HFM1: variants seen among roughly 807,000 people sequenced by gnomAD.
HFM1 encodes the protein helicase for meiosis 1.
A neutral mutation model predicts 192.1 loss-of-function variants in HFM1; 169 were observed. The ratio of observed to expected loss-of-function variants is 0.88; its 90% CI spans 0.78 to 1.00. The LOEUF (loss-of-function observed/expected upper bound fraction) is 1.00, where lower values mean the gene tolerates loss of function less well. Among genes scored for constraint, HFM1 ranks in the 50% least tolerant of loss-of-function variants. The pLI is 0.00. For synonymous variants in HFM1, 525 were observed against 537.8 expected (o/e 0.98, Z 0.33); for missense variants, 1,661 against 1,668.0 (o/e 1.00, Z 0.07).
intron 17 of HFM1, 67 bp downstream of exon 17, chr1:91,351,482 A>G (rs1557895215): frequency 3.5e-6 from 3 of 848,416 alleles, no homozygotes; most frequent in Non-Finnish European, 5.6e-6. Flanking sequence ...TCCCTTTGAT[A>G]TTTTAAAAGG....
intron 3 of HFM1, among the ~76,000 whole-genome samples, chr1:91,394,745 G>C (rs1203574490): frequency 2.0e-5 from 3 of 151,996 alleles, no homozygotes; most frequent in Non-Finnish European, 4.4e-5. Context: ...TTATATAAAT[G>C]ATTTACACAC....
At chr1:91,323,542 T>C (rs1278726767) in intron 21 of HFM1, among the ~76,000 whole-genome samples, 1 of 152,188 alleles carries the variant, frequency 6.6e-6, no homozygotes, top group African/African-American at 2.4e-5. Context: ...TTGTTACTCC[T>C]ACTCCTAATA....
chr1:91,388,130 T>C (rs1251005237), intron 4 of HFM1, among the ~76,000 whole-genome samples: 3 of 152,074 alleles, frequency 2.0e-5, no homozygotes, highest in Non-Finnish European at 4.4e-5. Flanking sequence ...TCTCTTTCAT[T>C]TGGAGTTGTA....
chr1:91,368,514 G>C (rs1659705037), intron 13 of HFM1, among the ~76,000 whole-genome samples: 1 of 152,114 alleles, frequency 6.6e-6, no homozygotes, highest in Non-Finnish European at 1.5e-5. Context: ...ATAAGTGAAG[G>C]AGAAATAAAA....
intron 30 of HFM1, among the ~76,000 whole-genome samples, chr1:91,300,953 G>A (rs777304675): frequency 6.6e-6 from 1 of 152,204 alleles, no homozygotes; most frequent in African/African-American, 2.4e-5. Context: ...GGCAGGAGAA[G>A]GAAATAAAGA....
intron 26 of HFM1, 87 bp from the exon 27 acceptor site, chr1:91,316,271 T>C (rs1047110367): frequency 2.0e-6 from 2 of 1,009,488 alleles, no homozygotes; most frequent in East Asian, 2.5e-5. Context: ...GCTTTAATAA[T>C]GCTTATCACC....
chr1:91,343,477 G>T lies in HFM1; in HGVS notation c.2288C>A (p.Ser763Tyr). The change falls in exon 20 of 39, where the codon TCC becomes TAC. Residue 763 changes from serine (S) to tyrosine (Y), a missense_variant. Physicochemically the swap from Ser to Tyr is moderately radical, Grantham distance 144. Coordinates refer to ENST00000370425, the MANE Select transcript of HFM1 (RefSeq NM_001017975.6). ...LCLKNLNDLS[S>Y]LDLIKMDEGV... ...TTCATCCATCTTTATTAAGTCCAGG[G>T]ATGATAAATCATTCAGATTCTTCAA... 1 of 1,437,340 alleles carries T rather than the reference G, an allele frequency of 7.0e-7. No homozygotes were observed. Among genetic ancestry groups the T allele is most frequent in the Non-Finnish European group, 9.5e-7 (1 of 1,048,102 alleles). 89.0% of individuals were successfully genotyped at this position (1,437,340 alleles called of 1,614,324 possible).
chr1:91,291,952 A>C (rs1195774274), intron 30 of HFM1, among the ~76,000 whole-genome samples: 4 of 152,194 alleles, frequency 2.6e-5, no homozygotes, highest in Admixed American at 1.3e-4. Flanking sequence ...GACAAAAACC[A>C]CATGATTATC....
chr1:91,365,360 T>G (rs1478759737), intron 13 of HFM1, among the ~76,000 whole-genome samples: 1 of 151,972 alleles, frequency 6.6e-6, no homozygotes, highest in Admixed American at 6.6e-5. Flanking sequence ...TAGATTTAGC[T>G]GCTCTTGTCA....
rs530048056 is a variant in HFM1, at chr1:91,314,520, A to C, written c.3141-460T>G. Among the ~76,000 whole-genome samples the C allele has an allele frequency of 7.9e-5, 12 of 152,224 alleles. No individual in the cohort carries two copies. In the South Asian group the frequency reaches 2.5e-3, roughly 32 times the overall value. ...TGATCCTCCTGCCTCAGCCTCTCAA[A>C]GTGCTGAGATTACAGGTGTGAGCCA... is the stretch of plus-strand genomic sequence containing the variant. On this transcript the variant is annotated intron_variant, in intron 28 of 38. Coordinates refer to ENST00000370425, the MANE Select transcript of HFM1 (RefSeq NM_001017975.6).
At chr1:91,366,588 T>G (rs1044920276) in intron 13 of HFM1, among the ~76,000 whole-genome samples, 2 of 152,266 alleles carry the variant, frequency 1.3e-5, no homozygotes, top group African/African-American at 4.8e-5. Flanking sequence ...CTGGTCAATG[T>G]TTTTGAAACC....
Position 91,352,553 on chromosome 1 carries a change from T to C in HFM1, c.1930A>G (p.Ser644Gly). 2 of 1,609,706 alleles carry C rather than the reference T, an allele frequency of 1.2e-6. No individual in the cohort carries two copies. Among genetic ancestry groups the C allele is most frequent in the African/African-American group, 1.3e-5 (1 of 74,836 alleles). Reference sequence around the variant, plus strand: ...ATCATCTGTAGAATATCTGTTTCACTGTACTCTTCAAACAGTCCTCCAGCA... The same window carrying C: ...ATCATCTGTAGAATATCTGTTTCACCGTACTCTTCAAACAGTCCTCCAGCA... ...HYAGGLFEEY[S>G]ETDILQMIGR... The change falls in exon 16 of 39, where the codon AGT becomes GGT. Residue 644 changes from serine to glycine, a missense_variant. Ser to Gly is a moderately conservative substitution (Grantham distance 56). Coordinates refer to ENST00000370425, the MANE Select transcript of HFM1 (RefSeq NM_001017975.6).
At chr1:91,285,077 C>G (rs1232541753) in intron 30 of HFM1, among the ~76,000 whole-genome samples, 1 of 152,108 alleles carries the variant, frequency 6.6e-6, no homozygotes, top group Non-Finnish European at 1.5e-5. Flanking sequence ...CTCTCATTCT[C>G]TCTTGTCTGC....
chr1:91,384,643 A>T (rs374307124), intron 6 of HFM1, among the ~76,000 whole-genome samples: 21 of 152,276 alleles, frequency 1.4e-4, no homozygotes, highest in Admixed American at 8.5e-4. Context: ...CAATAATACA[A>T]ATCTGACTTC....
At chr1:91,386,296 C>T (rs1225183859) in intron 4 of HFM1, among the ~76,000 whole-genome samples, 1 of 152,160 alleles carries the variant, frequency 6.6e-6, no homozygotes, top group Non-Finnish European at 1.5e-5. Flanking sequence ...TGAAGAGGCC[C>T]AGGTGGAGAG....
At chr1:91,340,081 C>T (rs1655122955) in intron 20 of HFM1, among the ~76,000 whole-genome samples, 1 of 152,164 alleles carries the variant, frequency 6.6e-6, no homozygotes, top group Admixed American at 6.6e-5. Flanking sequence ...TCTTGGCTCA[C>T]TGCAACCTCC....
At chr1:91,390,561 A>G (rs1662840231) in intron 4 of HFM1, among the ~76,000 whole-genome samples, 1 of 152,210 alleles carries the variant, frequency 6.6e-6, no homozygotes, top group Non-Finnish European at 1.5e-5. Flanking sequence ...GCAGCCATTC[A>G]TGCTAAAAAC....
At chr1:91,399,719 A>G (rs1042096780) in intron 2 of HFM1, among the ~76,000 whole-genome samples, 2 of 152,154 alleles carry the variant, frequency 1.3e-5, no homozygotes, top group Admixed American at 1.3e-4. Context: ...CAAATCCTTC[A>G]AAGCCTCCTG....
chr1:91,385,050 C>A, intron 6 of HFM1, 137 bp downstream of exon 6: 1 of 617,886 alleles, frequency 1.6e-6, no homozygotes. Context: ...GCCACATGTA[C>A]CTCTTACAAC....
Sources: allele counts gnomAD v4.1 joint callset (sites outside exome capture counted in the v4.1 genomes callset), GRCh38; gene constraint gnomAD v4.1.1; transcripts MANE v1.5; gene names NCBI Gene and HGNC (gene_info 2026-07-23, HGNC 2026-07-21).